LRRC4C: variants seen among roughly 807,000 people sequenced by gnomAD.
LRRC4C encodes leucine rich repeat containing 4C, also known as leucine-rich repeat-containing protein 4C.
In LRRC4C, 5 loss-of-function variants were observed where a neutral mutation model predicts 33.6. The ratio of observed to expected loss-of-function variants is 0.15; its 90% confidence interval spans 0.08 to 0.31. The LOEUF is 0.31. Among genes scored for constraint, LRRC4C ranks in the 10% least tolerant of loss-of-function variants. The pLI, the probability that LRRC4C is intolerant of heterozygous loss-of-function variation, is 1.00. For missense variants in LRRC4C, 560 were observed against 796.7 expected (o/e 0.70, Z 3.58); for synonymous variants, 329 against 302.0 (o/e 1.09, Z -0.93).
intron 1 of LRRC4C, among the ~76,000 whole-genome samples, chr11:41,136,027 C>T (rs1320416964): frequency 6.6e-6 from 1 of 152,114 alleles, no homozygotes; most frequent in Non-Finnish European, 1.5e-5. Context: ...GCCATTCATC[C>T]ATCAATCTAG....
At chr11:40,507,635 G>A (rs1411901041) in intron 3 of LRRC4C, among the ~76,000 whole-genome samples, 1 of 151,756 alleles carries the variant, frequency 6.6e-6, no homozygotes, top group Non-Finnish European at 1.5e-5. Flanking sequence ...TAAACTTTTA[G>A]CAATGTAATC....
intron 6 of LRRC4C, among the ~76,000 whole-genome samples, chr11:40,132,799 G>C (rs1856735737): frequency 6.6e-6 from 1 of 151,966 alleles, no homozygotes; most frequent in Admixed American, 6.6e-5. Context: ...TGCAGAAACT[G>C]GTCATATGTT....
At chr11:40,319,746 A>G (rs1405345251) in intron 3 of LRRC4C, 25 bp from the exon 4 acceptor site, 2 of 152,312 alleles carry the variant, frequency 1.3e-5, no homozygotes, top group East Asian at 3.9e-4. Flanking sequence ...CATAAATATC[A>G]TATTTTAAAA....
At chr11:41,146,068 G>A (rs1943716441) in intron 1 of LRRC4C, among the ~76,000 whole-genome samples, 1 of 152,132 alleles carries the variant, frequency 6.6e-6, no homozygotes, top group Non-Finnish European at 1.5e-5. Flanking sequence ...ACAATTAAGA[G>A]ATATGAGTCT....
intron 3 of LRRC4C, among the ~76,000 whole-genome samples, chr11:40,462,049 C>T (rs57212047): frequency 0.041 from 6,202 of 151,962 alleles, 409 homozygotes; most frequent in African/African-American, 0.14. Flanking sequence ...CTCTAAATTT[C>T]TTTGAACAGG....
intron 1 of LRRC4C, among the ~76,000 whole-genome samples, chr11:41,400,560 T>C (rs1004406892): frequency 7.3e-6 from 1 of 137,486 alleles, no homozygotes; most frequent in African/African-American, 2.8e-5. Flanking sequence ...GAAACATTAA[T>C]GGAAGGAGAA....
intron 2 of LRRC4C, among the ~76,000 whole-genome samples, chr11:40,733,976 AG>A (rs1359487446): frequency 6.6e-6 from 1 of 152,160 alleles, no homozygotes; most frequent in East Asian, 1.9e-4. Context: ...TTATCACTTT[AG>A]GTAGTAAAAA....
At chr11:40,318,426 C>A (rs1945680753) in intron 4 of LRRC4C, among the ~76,000 whole-genome samples, 1 of 151,982 alleles carries the variant, frequency 6.6e-6, no homozygotes, top group Non-Finnish European at 1.5e-5. Context: ...ATGAAAGGAG[C>A]AGGGTTCATT....
intron 3 of LRRC4C, among the ~76,000 whole-genome samples, chr11:40,528,012 C>T (rs1428006584): frequency 1.3e-5 from 2 of 152,064 alleles, no homozygotes; most frequent in Non-Finnish European, 2.9e-5. Flanking sequence ...TCCCAAAGTG[C>T]TGAGATTAAA....
chr11:40,925,873 T>C (rs902037175), intron 2 of LRRC4C, among the ~76,000 whole-genome samples: 2 of 152,182 alleles, frequency 1.3e-5, no homozygotes, highest in Non-Finnish European at 2.9e-5. Context: ...AAACGAAATA[T>C]ACAAGTCTAT....
chr11:40,250,548 T>A (rs1866706060), intron 4 of LRRC4C, among the ~76,000 whole-genome samples: 1 of 151,806 alleles, frequency 6.6e-6, no homozygotes, highest in African/African-American at 2.4e-5. Flanking sequence ...GAGACCAGCC[T>A]AACCAACATG....
At chr11:40,703,226 C>CA (rs1311273357) in intron 2 of LRRC4C, among the ~76,000 whole-genome samples, 1 of 151,620 alleles carries the variant, frequency 6.6e-6, no homozygotes, top group Non-Finnish European at 1.5e-5. Flanking sequence ...CAGGCCCTCA[C>CA]AAAAAAATGA....
intron 1 of LRRC4C, among the ~76,000 whole-genome samples, chr11:41,074,355 A>G (rs1401766666): frequency 6.6e-6 from 1 of 152,210 alleles, no homozygotes; most frequent in African/African-American, 2.4e-5. Context: ...TCCTTACTCT[A>G]TAATGAAATC....
At chr11:40,154,221 A>G (rs1276795532) in intron 5 of LRRC4C, among the ~76,000 whole-genome samples, 3 of 151,976 alleles carry the variant, frequency 2.0e-5, no homozygotes, top group Admixed American at 6.6e-5. Flanking sequence ...TTGTTTTCAG[A>G]CAAACAAATG....
intron 1 of LRRC4C, among the ~76,000 whole-genome samples, chr11:41,109,165 A>T (rs1437491367): frequency 1.3e-5 from 2 of 152,022 alleles, no homozygotes; most frequent in African/African-American, 4.8e-5. Flanking sequence ...CCCAGAAAAA[A>T]ATAAAGTTCT....
intron 1 of LRRC4C, among the ~76,000 whole-genome samples, chr11:41,079,773 A>AT (rs1344851833): frequency 2.0e-5 from 3 of 151,974 alleles, no homozygotes; most frequent in East Asian, 3.9e-4. Context: ...CTTTATGAGG[A>AT]TTTTTTTTGT....
chr11:40,624,901 G>A (rs1397727171), intron 3 of LRRC4C, among the ~76,000 whole-genome samples: 1 of 152,038 alleles, frequency 6.6e-6, no homozygotes, highest in South Asian at 2.1e-4. Flanking sequence ...AGCCCTTTAA[G>A]GTCATTTATT....
At chr11:40,178,724 A>G (rs573396723) in intron 5 of LRRC4C, among the ~76,000 whole-genome samples, 2 of 152,244 alleles carry the variant, frequency 1.3e-5, no homozygotes, top group African/African-American at 4.8e-5. Context: ...AGGGAGGGAG[A>G]TGTGGACAGG....
chr11:41,287,425 G>T (rs1949862644), intron 1 of LRRC4C, among the ~76,000 whole-genome samples: 1 of 152,068 alleles, frequency 6.6e-6, no homozygotes, highest in Admixed American at 6.6e-5. Context: ...AAAAGTAATT[G>T]CATTTTGTTT....
Sources: gnomAD v4.1 joint callset for allele counts (sites outside exome capture counted in the v4.1 genomes callset) on GRCh38, gnomAD v4.1.1 for gene constraint, MANE v1.5 for transcripts, NCBI Gene and HGNC (gene_info 2026-07-23, HGNC 2026-07-21) for gene names.